Variants in MAPK10 observed in about 807,000 individuals in gnomAD.
MAPK10 encodes mitogen-activated protein kinase 10, also known as JNK3 alpha protein kinase.
Under a neutral mutation model 59.3 loss-of-function variants are expected in MAPK10, and 25 were observed. That is an observed-to-expected ratio of 0.42 (90% CI 0.31 to 0.59). The LOEUF (loss-of-function observed/expected upper bound fraction) is 0.59, where lower values mean the gene tolerates loss of function less well. Among genes scored for constraint, MAPK10 ranks in the 20% least tolerant of loss-of-function variants. The pLI, the probability that MAPK10 is intolerant of heterozygous loss-of-function variation, is 0.15. For missense variants in MAPK10, 351 were observed against 568.9 expected (o/e 0.62, Z 3.90); for synonymous variants, 190 against 200.5 (o/e 0.95, Z 0.44).
intron 1 of MAPK10, among the ~76,000 whole-genome samples, chr4:86,464,089 T>C (rs1209871677): frequency 6.6e-6 from 1 of 152,194 alleles, no homozygotes; most frequent in East Asian, 1.9e-4. Flanking sequence ...AAAATTATTG[T>C]CCCTCATGAA....
At chr4:86,293,131 T>C (rs1359485984) in intron 2 of MAPK10, among the ~76,000 whole-genome samples, 1 of 152,212 alleles carries the variant, frequency 6.6e-6, no homozygotes, top group Non-Finnish European at 1.5e-5. Flanking sequence ...TTACATACTC[T>C]ATTTAAGAAG....
At chr4:86,538,016 A>T (rs752297913) in intron 1 of MAPK10, among the ~76,000 whole-genome samples, 8 of 152,194 alleles carry the variant, frequency 5.3e-5, no homozygotes, top group Non-Finnish European at 8.8e-5. Flanking sequence ...GTGTAGTAAG[A>T]TAATTCCTCC....
intron 1 of MAPK10, among the ~76,000 whole-genome samples, chr4:86,380,627 A>C (rs569785658): frequency 2.6e-4 from 39 of 152,168 alleles, no homozygotes; most frequent in Non-Finnish European, 3.2e-4. Flanking sequence ...TCTTTTCCTC[A>C]AAACAATCTC....
chr4:86,549,249 A>C (rs951605201), intron 1 of MAPK10, among the ~76,000 whole-genome samples: 2 of 152,240 alleles, frequency 1.3e-5, no homozygotes, highest in African/African-American at 4.8e-5. Context: ...GGACAGGGAT[A>C]TATCCTTCCA....
chr4:86,264,590 T>C (rs2094147305), intron 2 of MAPK10, among the ~76,000 whole-genome samples: 1 of 152,228 alleles, frequency 6.6e-6, no homozygotes, highest in Non-Finnish European at 1.5e-5. Flanking sequence ...CCTTTGATAA[T>C]AATGAAGCCT....
At chr4:86,182,112 T>C (rs2077045175) in intron 3 of MAPK10, among the ~76,000 whole-genome samples, 1 of 152,062 alleles carries the variant, frequency 6.6e-6, no homozygotes, top group African/African-American at 2.4e-5. Context: ...AAACTAAAGA[T>C]TATTCTTTTA....
At chr4:86,538,224 G>A (rs1394889419) in intron 1 of MAPK10, among the ~76,000 whole-genome samples, 2 of 151,398 alleles carry the variant, frequency 1.3e-5, no homozygotes, top group East Asian at 1.9e-4. Flanking sequence ...TTGGCTCACC[G>A]CAACCTCTGC....
At chr4:86,312,505 T>C (rs746434494) in intron 2 of MAPK10, among the ~76,000 whole-genome samples, 1 of 152,126 alleles carries the variant, frequency 6.6e-6, no homozygotes, top group Non-Finnish European at 1.5e-5. Flanking sequence ...ATGTATTACA[T>C]TGTATCTGGA....
intron 2 of MAPK10, among the ~76,000 whole-genome samples, chr4:86,273,239 T>C (rs1216007306): frequency 6.6e-6 from 1 of 152,068 alleles, no homozygotes; most frequent in Non-Finnish European, 1.5e-5. Context: ...AAGAATTTTA[T>C]CTTGCTCAAA....
chr4:86,299,510 C>T (rs1418309819), intron 2 of MAPK10, among the ~76,000 whole-genome samples: 1 of 152,150 alleles, frequency 6.6e-6, no homozygotes, highest in African/African-American at 2.4e-5. Flanking sequence ...AACGAGACCG[C>T]ACCAGAGGTG....
intron 4 of MAPK10, among the ~76,000 whole-genome samples, chr4:86,128,297 C>A (rs1283444064): frequency 2.0e-5 from 3 of 152,072 alleles, no homozygotes; most frequent in Non-Finnish European, 2.9e-5. Context: ...TATGGTTTGG[C>A]TGTGTCCCCG....
chr4:86,029,653 A>C (rs181901792), intron 12 of MAPK10, among the ~76,000 whole-genome samples: 1 of 152,202 alleles, frequency 6.6e-6, no homozygotes, highest in East Asian at 1.9e-4. Context: ...TTGTTTTCTG[A>C]ATTCTTTGGG....
intron 2 of MAPK10, among the ~76,000 whole-genome samples, chr4:86,243,094 C>T (rs2092853501): frequency 6.6e-6 from 1 of 152,190 alleles, no homozygotes; most frequent in Non-Finnish European, 1.5e-5. Flanking sequence ...TCTTCCTTCT[C>T]TCCATGGCTC....
chr4:86,350,970 C>A (rs1376800251), intron 2 of MAPK10, among the ~76,000 whole-genome samples: 1 of 152,038 alleles, frequency 6.6e-6, no homozygotes, highest in Non-Finnish European at 1.5e-5. Context: ...GTTGTTATTT[C>A]TTTGCATTTT....
chr4:86,334,694 C>T (rs1719990856), intron 2 of MAPK10, among the ~76,000 whole-genome samples: 1 of 151,962 alleles, frequency 6.6e-6, no homozygotes, highest in African/African-American at 2.4e-5. Flanking sequence ...AACACGTTTC[C>T]TCAAGGAGAC....
intron 4 of MAPK10, among the ~76,000 whole-genome samples, chr4:86,117,356 T>C (rs1409144631): frequency 6.6e-6 from 1 of 152,136 alleles, no homozygotes; most frequent in African/African-American, 2.4e-5. Flanking sequence ...ACAAACCCCC[T>C]ATTCCCAGTG....
At chr4:86,449,862 G>C (rs1403178194) in intron 1 of MAPK10, among the ~76,000 whole-genome samples, 3 of 152,228 alleles carry the variant, frequency 2.0e-5, no homozygotes, top group African/African-American at 7.2e-5. Context: ...GGCGCACAAA[G>C]GGCAGCCTCT....
At position 86,187,299 on chromosome 4, in the gene MAPK10, C is replaced by T. The variant is rs998754055; in HGVS notation, c.66+7037G>A. On this transcript the variant is annotated intron_variant, in intron 3 of 13. Transcript: ENST00000641462. Reference sequence around the variant, plus strand: ...GAACAATTAAGTAAAATAAAAGTTACTTGAACACGAGCACTGTGATACCAC... The same window carrying T: ...GAACAATTAAGTAAAATAAAAGTTATTTGAACACGAGCACTGTGATACCAC... 5.3e-4 allele frequency among the ~76,000 whole-genome samples: 80 copies of T among 152,076 alleles called. 1 individual carries two copies. The highest frequency in any genetic ancestry group is 1.8e-3 in the African/African-American group (76 of 41,418).
At chr4:86,568,847 G>A (rs1231579138) in intron 1 of MAPK10, among the ~76,000 whole-genome samples, 1 of 151,920 alleles carries the variant, frequency 6.6e-6, no homozygotes, top group African/African-American at 2.4e-5. Context: ...AAATCCAAAA[G>A]AAAACCTAGG....
Sources: gnomAD v4.1 joint callset for allele counts (sites outside exome capture counted in the v4.1 genomes callset) on GRCh38, gnomAD v4.1.1 for gene constraint, MANE v1.5 for transcripts, NCBI Gene and HGNC (gene_info 2026-07-23, HGNC 2026-07-21) for gene names.